CDH10: variants seen among roughly 807,000 people sequenced by gnomAD.
The protein encoded by CDH10 is cadherin-10.
CDH10 carries 30 observed loss-of-function variants against 73.1 expected under a neutral mutation model. The observed-to-expected ratio is 0.41, with a 90% CI of 0.31 to 0.56. The LOEUF is 0.56. Ranked by LOEUF, CDH10 falls within the 20% of genes least tolerant of loss-of-function variation. The probability of loss-of-function intolerance (pLI) is 0.27; values close to 1 mark genes in which losing one functional copy is unlikely to be tolerated. For synonymous variants in CDH10, 345 were observed against 348.2 expected, an observed-to-expected ratio of 0.99 and a Z score of 0.10; for missense variants, 815 against 973.7, an observed-to-expected ratio of 0.84 and a Z score of 2.17.
intron 1 of CDH10, among the ~76,000 whole-genome samples, chr5:24,621,955 G>A (rs1024362876): frequency 6.6e-5 from 10 of 152,242 alleles, no homozygotes; most frequent in African/African-American, 2.2e-4. Flanking sequence ...GGAGTGCTGT[G>A]AGTCCTGAGA....
intron 2 of CDH10, among the ~76,000 whole-genome samples, chr5:24,557,214 T>C (rs1744799888): frequency 6.6e-6 from 1 of 151,698 alleles, no homozygotes; most frequent in Non-Finnish European, 1.5e-5. Context: ...AATTACTTAC[T>C]ATAATTTAGA....
At chr5:24,591,751 T>TA (rs1204495933) in intron 2 of CDH10, among the ~76,000 whole-genome samples, 3 of 151,916 alleles carry the variant, frequency 2.0e-5, no homozygotes, top group Non-Finnish European at 4.4e-5. Flanking sequence ...CAGTTCTTGA[T>TA]TTCAAGGTGT....
rs539250478 is a variant in CDH10 at position 24,639,402 on chromosome 5, A to G, written c.-124+5192T>C. Among the ~76,000 whole-genome samples the G allele has an allele frequency of 1.2e-3, 186 of 151,858 alleles. 5 individuals are homozygous for G. The South Asian group carries it at 0.035, about 29-fold the overall frequency. On this transcript the variant is annotated intron_variant, in intron 1 of 11. Coordinates refer to ENST00000264463, the MANE Select transcript of CDH10 (RefSeq NM_006727.5). ...ATTTTCCAATTACTAGGGCAAATAT[A>G]TGGGCTGCCTTTGATCTATTCAGAT...
chr5:24,501,562 A>C lies in CDH10; in HGVS notation c.1394-3043T>G, dbSNP rs75745040. On this transcript the variant is annotated intron_variant, in intron 8 of 11. Coordinates refer to ENST00000264463, the MANE Select transcript of CDH10 (RefSeq NM_006727.5). ...CTATAGCAAGAAGGTATCAGCAATA[A>C]AGGATCTTAAAATGTATGTCCTAAG... 8.1e-3 allele frequency among the ~76,000 whole-genome samples: 1,239 copies of C among 152,302 alleles called. 10 individuals are homozygous for C. The highest frequency in any genetic ancestry group is 0.012 in the Non-Finnish European group (800 of 68,012).
chr5:24,571,161 A>T (rs112147354), intron 2 of CDH10, among the ~76,000 whole-genome samples: 4 of 152,170 alleles, frequency 2.6e-5, no homozygotes, highest in African/African-American at 9.7e-5. Context: ...CACAACCAGC[A>T]TCTCAGTAAT....
At chr5:24,495,730 C>T (rs1474391133) in intron 9 of CDH10, among the ~76,000 whole-genome samples, 2 of 151,864 alleles carry the variant, frequency 1.3e-5, no homozygotes, top group East Asian at 3.9e-4. Context: ...ACCTGCAGTC[C>T]CAGCTACTTG....
intron 2 of CDH10, among the ~76,000 whole-genome samples, chr5:24,551,488 A>G (rs13175683): frequency 0.28 from 42,538 of 151,952 alleles, 6,180 homozygotes; most frequent in Admixed American, 0.32. Context: ...TTTATCAAGC[A>G]TTCATTTTAT....
intron 2 of CDH10, among the ~76,000 whole-genome samples, chr5:24,586,025 A>C (rs1745981080): frequency 6.6e-6 from 1 of 152,214 alleles, no homozygotes; most frequent in Admixed American, 6.5e-5. Context: ...GTGGTATTTG[A>C]AAATGACACC....
chr5:24,552,302 T>G (rs992620420), intron 2 of CDH10, among the ~76,000 whole-genome samples: 1 of 152,072 alleles, frequency 6.6e-6, no homozygotes, highest in Admixed American at 6.6e-5. Context: ...GAATAATCAC[T>G]TCTAGTGTGC....
At chr5:24,548,923 A>G (rs556812787) in intron 2 of CDH10, among the ~76,000 whole-genome samples, 2 of 152,300 alleles carry the variant, frequency 1.3e-5, no homozygotes, top group South Asian at 4.1e-4. Flanking sequence ...GCTGAAAAAT[A>G]GCTATATTTA....
intron 2 of CDH10, among the ~76,000 whole-genome samples, chr5:24,548,424 G>T (rs551984480): frequency 1.1e-4 from 16 of 150,620 alleles, no homozygotes; most frequent in African/African-American, 3.9e-4. Flanking sequence ...CCCAGCCAAG[G>T]GAACCTCAGC....
chr5:24,546,066 G>A (rs566694327), intron 2 of CDH10, among the ~76,000 whole-genome samples: 35 of 152,032 alleles, frequency 2.3e-4, no homozygotes, highest in Non-Finnish European at 4.3e-4. Flanking sequence ...AGGGACTATG[G>A]TCAAAGAGAG....
intron 3 of CDH10, among the ~76,000 whole-genome samples, chr5:24,536,836 T>C (rs1015247829): frequency 1.3e-5 from 2 of 152,060 alleles, no homozygotes; most frequent in South Asian, 2.1e-4. Flanking sequence ...AAATAAGATT[T>C]CAAAGAAGTT....
At chr5:24,512,642 A>G (rs1486340000) in intron 5 of CDH10, among the ~76,000 whole-genome samples, 1 of 152,168 alleles carries the variant, frequency 6.6e-6, no homozygotes, top group Non-Finnish European at 1.5e-5. Context: ...AGAGAAACAC[A>G]AAAATTTATG....
chr5:24,535,181 A>G lies in CDH10; in HGVS notation c.745T>C (p.Leu249=), dbSNP rs1039576767. The change falls in exon 5 of 12, where the codon TTA becomes CTA. Residue 249 remains leucine (L), a synonymous_variant. Transcript: ENST00000264463. The part of the protein sequence containing the change: ...AKDMGGQMGG[L]SGTTTVNITL... ...ATGTTCACAGTGGTTGTCCCCGATA[A>G]GCCTCCCATCTGGCCGCCCATGTCT... 6.2e-7 allele frequency: 1 copy of G among 1,613,456 alleles called. No homozygotes were observed. Among genetic ancestry groups the G allele is most frequent in the Non-Finnish European group, 8.5e-7 (1 of 1,179,694 alleles).
In CDH10 at chr5:24,535,293, A is replaced by T. The variant is rs369810235; in HGVS notation, c.647-14T>A. 23 of 1,595,792 alleles carry T rather than the reference A, an allele frequency of 1.4e-5. No individual in the cohort carries two copies. The highest frequency in any genetic ancestry group is 1.7e-4 in the Middle Eastern group (1 of 6,022). On this transcript the variant is annotated splice_polypyrimidine_tract_variant and intron_variant, in intron 4 of 11. Coordinates refer to ENST00000264463, the MANE Select transcript of CDH10 (RefSeq NM_006727.5). Reference sequence around the variant, plus strand: ...TCCTGATGATACCTTGAGAAAATATAAAAAAACTTCCATTATCTTCACTGA... The same window carrying T: ...TCCTGATGATACCTTGAGAAAATATTAAAAAACTTCCATTATCTTCACTGA...
chr5:24,501,404 T>TC (rs140510495), intron 8 of CDH10, among the ~76,000 whole-genome samples: 27,434 of 152,088 alleles, frequency 0.18, 2,647 homozygotes, highest in East Asian at 0.38. Context: ...CTTACACTAA[T>TC]TTTTTGGCTG....
At chr5:24,493,319 G>T (rs1406149898) in intron 9 of CDH10, among the ~76,000 whole-genome samples, 3 of 151,864 alleles carry the variant, frequency 2.0e-5, no homozygotes, top group Non-Finnish European at 4.4e-5. Context: ...AATGAAAAAT[G>T]GTCGAGGAAT....
At chr5:24,574,648 T>C (rs568473704) in intron 2 of CDH10, among the ~76,000 whole-genome samples, 1 of 151,858 alleles carries the variant, frequency 6.6e-6, no homozygotes, top group South Asian at 2.1e-4. Flanking sequence ...AAGAAAAGAA[T>C]GAAATGTCAC....
Sources: gnomAD v4.1 joint callset for allele counts (sites outside exome capture counted in the v4.1 genomes callset) on GRCh38, gnomAD v4.1.1 for gene constraint, MANE v1.5 for transcripts, NCBI Gene and HGNC (gene_info 2026-07-23, HGNC 2026-07-21) for gene names.